The following COQ7 variants were observed in gnomAD, a reference collection of about 807,000 sequenced individuals.
COQ7 encodes NADPH-dependent 3-demethoxyubiquinone 3-hydroxylase, mitochondrial.
A neutral mutation model predicts 25.0 loss-of-function variants in COQ7; 21 were observed. That is an observed-to-expected ratio of 0.84 (90% CI 0.60 to 1.21). The LOEUF (loss-of-function observed/expected upper bound fraction) is 1.21. COQ7 is among the 50% of genes most tolerant of loss of function. The pLI is 0.00. For missense variants in COQ7, 311 were observed against 296.2 expected, an observed-to-expected ratio of 1.05 and a Z score of -0.37; for synonymous variants, 125 against 112.4, an observed-to-expected ratio of 1.11 and a Z score of -0.71.
At chr16:19,071,428 G>A (rs12935719) in intron 1 of COQ7, among the ~76,000 whole-genome samples, 1 of 152,140 alleles carries the variant, frequency 6.6e-6, no homozygotes, top group South Asian at 2.1e-4. Flanking sequence ...GAGCCACCGC[G>A]CCCGGACAGG....
At position 19,072,005 on chromosome 16, in the gene COQ7, C is replaced by A; in HGVS notation, c.151C>A (p.Arg51=). ...CAATATCAGTCGGGCAGCTGTGGAT[C>A]GAATAATCCGGGTGGATCATGCAGG... The part of the protein sequence containing the change: ...LDNISRAAVD[R]IIRVDHAGEY... The change falls in exon 2 of 6, where the codon CGA becomes AGA. Residue 51 remains arginine, a synonymous_variant. Transcript: ENST00000321998. 1 of 1,614,218 alleles carries A rather than the reference C, an allele frequency of 6.2e-7. No homozygotes were observed. Among genetic ancestry groups the A allele is most frequent in the Non-Finnish European group, 8.5e-7 (1 of 1,180,048 alleles).
At chr16:19,081,906 A>T (rs1241312879), downstream of COQ7, among the ~76,000 whole-genome samples, 1 of 152,170 alleles carries the variant, frequency 6.6e-6, no homozygotes, top group Non-Finnish European at 1.5e-5. Flanking sequence ...GAAACAAGGG[A>T]TGGTTAATAT....
intron 4 of COQ7, among the ~76,000 whole-genome samples, chr16:19,076,468 GTCTC>G (rs901513901): frequency 1.3e-5 from 2 of 151,266 alleles, no homozygotes; most frequent in Non-Finnish European, 2.9e-5. Context: ...TGTAGGCACA[GTCTC>G]TCTCTATGTT....
At chr16:19,070,889 G>A (rs1429494375) in intron 1 of COQ7, among the ~76,000 whole-genome samples, 1 of 152,104 alleles carries the variant, frequency 6.6e-6, no homozygotes, top group African/African-American at 2.4e-5. Context: ...CTCCTCTCTG[G>A]CAGGGAAAAA....
chr16:19,074,400 C>T (rs1201774778), intron 3 of COQ7, among the ~76,000 whole-genome samples: 1 of 151,970 alleles, frequency 6.6e-6, no homozygotes, highest in Non-Finnish European at 1.5e-5. Context: ...TGGTGCGTGC[C>T]TGTAATCCCA....
intron 1 of COQ7, chr16:19,071,649 C>G (rs919621416): frequency 2.4e-6 from 1 of 424,222 alleles, no homozygotes; most frequent in East Asian, 4.9e-5. Flanking sequence ...ACTGGAGAAC[C>G]ATGCTCATCT....
At chr16:19,073,831 C>T (rs946555836) in intron 2 of COQ7, 90 bp from the exon 3 acceptor site, 1 of 863,140 alleles carries the variant, frequency 1.2e-6, no homozygotes. Flanking sequence ...ATCATTTTCT[C>T]CGTTTCTGCT....
At position 19,079,434 on chromosome 16, in the gene COQ7, TTC is replaced by T. The variant is rs1021511359; in HGVS notation, c.*1277_*1278del. The T allele has an allele frequency of 2.6e-5, 4 of 151,890 alleles. No homozygotes were observed. Among genetic ancestry groups the T allele is most frequent in the Non-Finnish European group, 4.4e-5 (3 of 67,986 alleles). The allele number at this position is 151,890 out of a possible 1,614,324, so 9.4% of individuals were successfully genotyped here. Reference sequence around the variant, plus strand: ...AAATCCCCCAAAACTGATTCAGATTTTCATACTTTAATGAAATATTTTATAAT... The same window carrying T: ...AAATCCCCCAAAACTGATTCAGATTTATACTTTAATGAAATATTTTATAAT... On this transcript the variant is annotated 3_prime_UTR_variant, in exon 6 of 6. Transcript: ENST00000321998.
In COQ7 at chr16:19,080,079, CA is replaced by C. The variant is rs1567544182; in HGVS notation, c.*1923del. 1 of 152,168 alleles carries C rather than the reference CA, an allele frequency of 6.6e-6. No individual in the cohort carries two copies. The highest frequency in any genetic ancestry group is 1.5e-5 in the Non-Finnish European group (1 of 68,022). 9.4% of individuals were successfully genotyped at this position (152,168 alleles called of 1,614,324 possible). On this transcript the variant is annotated 3_prime_UTR_variant, in exon 6 of 6. Coordinates refer to ENST00000321998, the MANE Select transcript of COQ7 (RefSeq NM_016138.5). ...TAAATTGAACCTTGAAATAAAAGCA[CA>C]ACAAGGTTTTCTTAAGGTACTGATC...
At position 19,078,089 on chromosome 16, in the gene COQ7, C is replaced by T. The variant is rs773005756; in HGVS notation, c.585C>T (p.Ala195=). 3 of 1,606,052 alleles carry T rather than the reference C, an allele frequency of 1.9e-6. No homozygotes were observed. The South Asian group carries it at 3.3e-5, about 18-fold the overall frequency. ...GLDHDAELAP[A]YAVLKSIIQA... The stretch of plus-strand genomic sequence containing the variant: ...CTTATTGTTTTTAACAGGCTCCAGC[C>T]TATGCCGTCCTGAAGAGCATTATCC... Residue 195 remains alanine, a synonymous_variant, in exon 6 of 6, where the codon GCC becomes GCT. Transcript: ENST00000321998.
intron 2 of COQ7, 27 bp from the exon 3 acceptor site, chr16:19,073,894 A>G (rs2142378592): frequency 6.4e-7 from 1 of 1,574,252 alleles, no homozygotes. Context: ...GAATGCTTGC[A>G]TGTCTTTATT....
At chr16:19,081,803 G>GT (rs1298766335), downstream of COQ7, among the ~76,000 whole-genome samples, 1 of 152,124 alleles carries the variant, frequency 6.6e-6, no homozygotes, top group Non-Finnish European at 1.5e-5. Context: ...TTAAATTCTA[G>GT]TTTTATTAGT....
chr16:19,075,693 T>C, intron 3 of COQ7, 28 bp from the exon 4 acceptor site: 6 of 1,536,706 alleles, frequency 3.9e-6, no homozygotes, highest in Non-Finnish European at 5.2e-6. Context: ...TGTCTCTTAC[T>C]TTTCTGGTCT....
chr16:19,070,894 G>GA (rs888837080), intron 1 of COQ7, among the ~76,000 whole-genome samples: 1 of 152,086 alleles, frequency 6.6e-6, no homozygotes, highest in Non-Finnish European at 1.5e-5. Flanking sequence ...CTCTGGCAGG[G>GA]AAAAAAACCT....
intron 5 of COQ7, 84 bp from the exon 6 acceptor site, chr16:19,077,997 C>A: frequency 1.0e-6 from 1 of 1,001,084 alleles, no homozygotes. Flanking sequence ...CAGAGAAATC[C>A]AAAGCCTGCC....
chr16:19,074,966 A>T (rs1962756856), intron 3 of COQ7, among the ~76,000 whole-genome samples: 1 of 152,144 alleles, frequency 6.6e-6, no homozygotes, highest in Admixed American at 6.6e-5. Context: ...AGATCTGTTC[A>T]CTCTTTTAAA....
Position 19,067,654 on chromosome 16 carries a change from T to A in COQ7, c.-11T>A. ...CGTTCAACGAAGTGGTTGCTTTTTT[T>A]AGTTCCGGCAATGAGTTGCGCCGGG... is the stretch of plus-strand genomic sequence containing the variant. On this transcript the variant is annotated 5_prime_UTR_variant, in exon 1 of 6. Coordinates refer to ENST00000321998, the MANE Select transcript of COQ7 (RefSeq NM_016138.5). 2 of 1,613,620 alleles carry A rather than the reference T, an allele frequency of 1.2e-6. No individual in the cohort carries two copies. Among genetic ancestry groups the A allele is most frequent in the African/African-American group, 2.7e-5 (2 of 75,032 alleles).
chr16:19,075,305 C>T (rs1352434209), intron 3 of COQ7, among the ~76,000 whole-genome samples: 1 of 151,128 alleles, frequency 6.6e-6, no homozygotes, highest in East Asian at 1.9e-4. Flanking sequence ...CGGCTTCAAG[C>T]GATTTTCCTG....
rs1962579348 is a variant in COQ7 at position 19,071,971 on chromosome 16, G to A, written c.117G>A (p.Met39Ile). 6.2e-7 allele frequency: 1 copy of A among 1,614,138 alleles called. No individual in the cohort carries two copies. Among genetic ancestry groups the A allele is most frequent in the Non-Finnish European group, 8.5e-7 (1 of 1,180,058 alleles). The change falls in exon 2 of 6, where the codon ATG becomes ATA. Residue 39 changes from methionine to isoleucine, a missense_variant. Transcript: ENST00000321998. ...GTGTCAGATTTCGCAGTTCAGGAAT[G>A]ACTTTAGACAATATCAGTCGGGCAG... ...RTSVRFRSSG[M>I]TLDNISRAAV...
Sources: allele counts gnomAD v4.1 joint callset (sites outside exome capture counted in the v4.1 genomes callset), GRCh38; gene constraint gnomAD v4.1.1; transcripts MANE v1.5; gene names NCBI Gene and HGNC (gene_info 2026-07-23, HGNC 2026-07-21).